The following ELAVL4 variants were observed in gnomAD, a reference collection of about 807,000 sequenced individuals.
ELAVL4 encodes the protein ELAV like RNA binding protein 4.
In ELAVL4, 1 loss-of-function variant was observed where a neutral mutation model predicts 35.6. The observed-to-expected ratio is 0.03, with a 90% CI of 0.01 to 0.13. The LOEUF (loss-of-function observed/expected upper bound fraction) is 0.13. Among genes scored for constraint, ELAVL4 ranks in the 10% least tolerant of loss-of-function variants. ELAVL4 has a pLI of 1.00. For synonymous variants in ELAVL4, 156 were observed against 171.0 expected, an observed-to-expected ratio of 0.91 and a Z score of 0.69; for missense variants, 267 against 464.9, an observed-to-expected ratio of 0.57 and a Z score of 3.91.
intron 3 of ELAVL4, among the ~76,000 whole-genome samples, chr1:50,185,421 AC>A (rs1177604392): frequency 6.6e-6 from 1 of 152,206 alleles, no homozygotes; most frequent in Non-Finnish European, 1.5e-5. Context: ...TGGCTTGGTA[AC>A]CTTTCAGGGA....
chr1:50,049,777 A>G (rs920702392), intron 1 of ELAVL4, among the ~76,000 whole-genome samples: 3 of 152,192 alleles, frequency 2.0e-5, no homozygotes, highest in Admixed American at 6.5e-5. Flanking sequence ...TTCCTCCTCT[A>G]CTAACTACTC....
chr1:50,088,493 T>C lies in ELAVL4; in HGVS notation c.18+40311T>C, dbSNP rs533851603. ...CTCTAACAAAACTCAGAGGCTCTCATCTTCCCCACTGAAGAGTTGGTGCCC... is the reference window on the plus strand; with the variant it reads ...CTCTAACAAAACTCAGAGGCTCTCACCTTCCCCACTGAAGAGTTGGTGCCC... On this transcript the variant is annotated intron_variant, in intron 1 of 6. Transcript: ENST00000448907. Among the ~76,000 whole-genome samples, 9 of 152,304 alleles carry C rather than the reference T, an allele frequency of 5.9e-5. No homozygotes were observed. In the South Asian group the frequency reaches 8.3e-4, roughly 14 times the overall value.
intron 1 of ELAVL4, chr1:50,048,218 C>G (rs974142151): frequency 5.1e-5 from 77 of 1,499,032 alleles, no homozygotes; most frequent in Non-Finnish European, 6.0e-5. Context: ...GCACCCCCGA[C>G]TCTGCCCGCC....
chr1:50,148,004 T>G (rs4412638), intron 2 of ELAVL4, among the ~76,000 whole-genome samples: 44,365 of 152,078 alleles, frequency 0.29, 6,610 homozygotes, highest in Middle Eastern at 0.37. Flanking sequence ...TGAGAACAGA[T>G]AGAAGAAATT....
At chr1:50,158,792 G>A (rs747120375) in intron 2 of ELAVL4, among the ~76,000 whole-genome samples, 10 of 152,144 alleles carry the variant, frequency 6.6e-5, no homozygotes, top group African/African-American at 1.2e-4. Context: ...TGTAATCCCA[G>A]CACTTTGGGA....
chr1:50,114,070 C>A (rs56143641), intron 1 of ELAVL4, among the ~76,000 whole-genome samples: 3,099 of 152,070 alleles, frequency 0.02, 104 homozygotes, highest in African/African-American at 0.071. Flanking sequence ...TATATTCAGA[C>A]CCTGCAGTCT....
chr1:50,188,636 C>G (rs1682196021), intron 3 of ELAVL4, among the ~76,000 whole-genome samples: 1 of 152,212 alleles, frequency 6.6e-6, no homozygotes, highest in Non-Finnish European at 1.5e-5. Flanking sequence ...CACAAGTGCT[C>G]TAGACCCCAC....
chr1:50,136,118 A>G (rs529261353), intron 1 of ELAVL4, among the ~76,000 whole-genome samples: 3 of 152,308 alleles, frequency 2.0e-5, no homozygotes, highest in Non-Finnish European at 2.9e-5. Context: ...TTATGAGCTG[A>G]TCTAAGACAC....
At chr1:50,103,709 C>T (rs991215173), upstream of ELAVL4, among the ~76,000 whole-genome samples, 1 of 152,128 alleles carries the variant, frequency 6.6e-6, no homozygotes, top group Non-Finnish European at 1.5e-5. Context: ...CATGGAATTC[C>T]TGATTTCTGC....
intron 2 of ELAVL4, among the ~76,000 whole-genome samples, chr1:50,159,711 G>C (rs562830867): frequency 6.6e-6 from 1 of 152,152 alleles, no homozygotes; most frequent in Non-Finnish European, 1.5e-5. Context: ...ATTACCCAAG[G>C]AACCCTTTTC....
intron 3 of ELAVL4, among the ~76,000 whole-genome samples, chr1:50,179,243 T>C (rs1374935173): frequency 6.6e-6 from 1 of 150,948 alleles, no homozygotes; most frequent in East Asian, 2.0e-4. Context: ...TCTGAGACAC[T>C]GTAGGATTCA....
At chr1:50,054,665 T>C (rs944465622) in intron 1 of ELAVL4, among the ~76,000 whole-genome samples, 6 of 152,194 alleles carry the variant, frequency 3.9e-5, no homozygotes, top group Non-Finnish European at 8.8e-5. Context: ...TTAATATTAT[T>C]AATTTGATCC....
Position 50,109,015 on chromosome 1 carries a change from T to TCGGGGGGCG in ELAVL4, c.-174_-173insGGGGGGCGC. ...GCTCCTTTTCTTTTTTTTCTTTCTC[T>TCGGGGGGCG]CCCCCGCCCACCCCCCCAAAAATAA... On this transcript the variant is annotated 5_prime_UTR_variant, in exon 1 of 7. Transcript: ENST00000371824. 2 of 961,054 alleles carry TCGGGGGGCG rather than the reference T, an allele frequency of 2.1e-6. No individual in the cohort carries two copies. The highest frequency in any genetic ancestry group is 2.4e-6 in the Non-Finnish European group (2 of 816,938). The allele number at this position is 961,054 out of a possible 1,614,324, so 59.5% of individuals were successfully genotyped here. A position where few individuals can be genotyped will look rare whatever the true frequency, so the allele number is the denominator to read the frequency against.
At chr1:50,056,458 C>T (rs945779521) in intron 1 of ELAVL4, among the ~76,000 whole-genome samples, 15 of 152,106 alleles carry the variant, frequency 9.9e-5, no homozygotes, top group Non-Finnish European at 5.9e-5. Flanking sequence ...GCCATTGTAA[C>T]ATCGTAGCAT....
At chr1:50,080,705 G>A (rs769166404) in intron 1 of ELAVL4, among the ~76,000 whole-genome samples, 5 of 152,054 alleles carry the variant, frequency 3.3e-5, no homozygotes, top group Non-Finnish European at 5.9e-5. Context: ...CTTTCTCATT[G>A]CTTATGCATC....
chr1:50,164,875 A>G (rs1420680115), intron 2 of ELAVL4, among the ~76,000 whole-genome samples: 1 of 152,228 alleles, frequency 6.6e-6, no homozygotes, highest in Non-Finnish European at 1.5e-5. Flanking sequence ...TCATTAGTTT[A>G]CCCAACAAAC....
intron 2 of ELAVL4, among the ~76,000 whole-genome samples, chr1:50,167,715 A>G (rs1221599174): frequency 4.6e-5 from 7 of 152,116 alleles, no homozygotes; most frequent in Non-Finnish European, 7.4e-5. Flanking sequence ...GTGGCTGGGG[A>G]AAGAGGCTGA....
At chr1:50,127,770 C>T (rs1670191202) in intron 1 of ELAVL4, among the ~76,000 whole-genome samples, 1 of 152,110 alleles carries the variant, frequency 6.6e-6, no homozygotes, top group Non-Finnish European at 1.5e-5. Context: ...TGTCCAAGGT[C>T]ACACAGCTAA....
At chr1:50,106,490 T>C (rs77145026), upstream of ELAVL4, 3,050 of 895,430 alleles carry the variant, frequency 3.4e-3, 87 homozygotes, top group East Asian at 0.069. Context: ...CTTTCTGTGG[T>C]GGTGGATTGT....
Sources: allele counts gnomAD v4.1 joint callset (sites outside exome capture counted in the v4.1 genomes callset), GRCh38; gene constraint gnomAD v4.1.1; transcripts MANE v1.5; gene names NCBI Gene and HGNC (gene_info 2026-07-23, HGNC 2026-07-21).